The following CSMD1 variants were observed in gnomAD, a reference collection of about 807,000 sequenced individuals.
CSMD1 encodes CUB and sushi domain-containing protein 1.
A neutral mutation model predicts 417.5 loss-of-function variants in CSMD1; 213 were observed. That is an observed-to-expected ratio of 0.51 (90% confidence interval 0.46 to 0.57). The LOEUF (loss-of-function observed/expected upper bound fraction) is 0.57. Among genes scored for constraint, CSMD1 ranks in the 20% least tolerant of loss-of-function variants. The probability of loss-of-function intolerance (pLI) is 0.00; values close to 1 mark genes in which losing one functional copy is unlikely to be tolerated. For synonymous variants in CSMD1, 2,862 were observed against 1,736.8 expected, an observed-to-expected ratio of 1.65 and a Z score of -16.11; for missense variants, 6,923 against 4,529.7, an observed-to-expected ratio of 1.53 and a Z score of -15.17.
intron 23 of CSMD1, among the ~76,000 whole-genome samples, chr8:3,335,607 G>A (rs1480106941): frequency 6.6e-6 from 1 of 152,156 alleles, no homozygotes; most frequent in African/African-American, 2.4e-5. Context: ...AACCTGAGAG[G>A]TGGAAGTGCA....
At chr8:4,643,687 A>C (rs998969456) in intron 1 of CSMD1, among the ~76,000 whole-genome samples, 7 of 152,232 alleles carry the variant, frequency 4.6e-5, no homozygotes, top group African/African-American at 7.2e-5. Context: ...CCCTGATCAG[A>C]TAAGCGCTGT....
At chr8:4,735,861 G>C (rs1302778552) in intron 1 of CSMD1, among the ~76,000 whole-genome samples, 1 of 152,092 alleles carries the variant, frequency 6.6e-6, no homozygotes, top group Non-Finnish European at 1.5e-5. Context: ...TGATTCCAGG[G>C]TCCAAGATTT....
chr8:4,399,214 A>T (rs558835296), intron 3 of CSMD1, among the ~76,000 whole-genome samples: 1 of 152,340 alleles, frequency 6.6e-6, no homozygotes, highest in African/African-American at 2.4e-5. Flanking sequence ...TATGTGTTTA[A>T]ATATATGACA....
intron 10 of CSMD1, among the ~76,000 whole-genome samples, chr8:3,559,996 A>G (rs886291157): frequency 3.9e-5 from 6 of 152,166 alleles, no homozygotes; most frequent in Admixed American, 3.3e-4. Flanking sequence ...TTTCCTAACA[A>G]GATGAGTGGC....
chr8:3,561,709 C>T (rs1025866573), intron 10 of CSMD1, among the ~76,000 whole-genome samples: 3 of 151,936 alleles, frequency 2.0e-5, no homozygotes, highest in Admixed American at 6.6e-5. Flanking sequence ...CTACCAGCCC[C>T]GACCCCACCA....
rs1814582245 is a variant in CSMD1 at position 3,087,084 on chromosome 8, A to C, written c.7474+13T>G. The C allele has an allele frequency of 6.2e-7, 1 of 1,609,682 alleles. No homozygotes were observed. The highest frequency in any genetic ancestry group is 2.2e-5 in the East Asian group (1 of 44,828). On this transcript the variant is annotated intron_variant, in intron 49 of 69. Coordinates refer to ENST00000635120, the MANE Select transcript of CSMD1 (RefSeq NM_033225.6). ...ACAGGAAACAAGGCTGGGGATGAAAACGCATTTCTTACCCTGGCAGAGTGG... is the reference window on the plus strand; with the variant it reads ...ACAGGAAACAAGGCTGGGGATGAAACCGCATTTCTTACCCTGGCAGAGTGG...
chr8:4,113,631 C>G (rs1000230320), intron 3 of CSMD1, among the ~76,000 whole-genome samples: 2 of 152,018 alleles, frequency 1.3e-5, no homozygotes, highest in East Asian at 1.9e-4. Context: ...GTCTTGAACT[C>G]CTGACCTCCT....
chr8:4,170,248 C>G (rs1337869370), intron 3 of CSMD1, among the ~76,000 whole-genome samples: 1 of 151,818 alleles, frequency 6.6e-6, no homozygotes, highest in African/African-American at 2.4e-5. Flanking sequence ...CTCTCTTTCT[C>G]TTTTTGAATT....
At chr8:3,345,880 G>A (rs934923146) in intron 22 of CSMD1, among the ~76,000 whole-genome samples, 13 of 152,032 alleles carry the variant, frequency 8.6e-5, no homozygotes, top group African/African-American at 2.4e-4. Context: ...AATTAATTGC[G>A]TTTTCCATTC....
chr8:3,546,818 C>T lies in CSMD1; in HGVS notation c.1344+28127G>A, dbSNP rs144579226. Reference sequence around the variant, plus strand: ...GCAGCTCCCTGAAGAACATCATTTACTTCCAGTGATGTTATTACTGAAATG... The same window carrying T: ...GCAGCTCCCTGAAGAACATCATTTATTTCCAGTGATGTTATTACTGAAATG... On this transcript the variant is annotated intron_variant, in intron 10 of 69. Coordinates refer to ENST00000635120, the MANE Select transcript of CSMD1 (RefSeq NM_033225.6). Among the ~76,000 whole-genome samples, 418 of 152,262 alleles carry T rather than the reference C, an allele frequency of 2.7e-3. 3 individuals carry two copies. Among genetic ancestry groups the T allele is most frequent in the African/African-American group, 9.8e-3 (406 of 41,544 alleles).
At chr8:3,786,514 G>C (rs1045641516) in intron 5 of CSMD1, among the ~76,000 whole-genome samples, 2 of 152,192 alleles carry the variant, frequency 1.3e-5, no homozygotes, top group African/African-American at 2.4e-5. Context: ...GAGTGGGTGA[G>C]AGCCAAGAAT....
intron 1 of CSMD1, among the ~76,000 whole-genome samples, chr8:4,817,567 A>T (rs1188000569): frequency 6.6e-6 from 1 of 152,210 alleles, no homozygotes; most frequent in Non-Finnish European, 1.5e-5. Flanking sequence ...GTAAAATTAT[A>T]ATTTCCCACA....
At chr8:3,628,109 G>A (rs75684720) in intron 7 of CSMD1, among the ~76,000 whole-genome samples, 61 of 152,214 alleles carry the variant, frequency 4.0e-4, no homozygotes, top group East Asian at 1.9e-3. Context: ...GAAAAAGACC[G>A]GCAGTGTTGC....
chr8:3,506,886 G>A (rs541482346), intron 10 of CSMD1, among the ~76,000 whole-genome samples: 21 of 152,264 alleles, frequency 1.4e-4, no homozygotes, highest in Non-Finnish European at 1.6e-4. Flanking sequence ...ACTATTTGAT[G>A]TCGGATAATT....
At chr8:4,252,940 C>G (rs73660707) in intron 3 of CSMD1, among the ~76,000 whole-genome samples, 5 of 152,034 alleles carry the variant, frequency 3.3e-5, no homozygotes, top group African/African-American at 1.2e-4. Context: ...GCAGAACACA[C>G]CAACTTTTAG....
At chr8:4,265,621 A>C (rs1296926326) in intron 3 of CSMD1, among the ~76,000 whole-genome samples, 1 of 105,948 alleles carries the variant, frequency 9.4e-6, no homozygotes, top group African/African-American at 2.6e-5. Flanking sequence ...AAAAATAATG[A>C]GATTAAAAAC....
intron 8 of CSMD1, among the ~76,000 whole-genome samples, chr8:3,588,839 G>A (rs1255352626): frequency 6.6e-6 from 1 of 152,082 alleles, no homozygotes; most frequent in Non-Finnish European, 1.5e-5. Context: ...ACCTGCTAAT[G>A]CGTTCATATC....
chr8:4,386,856 T>A (rs11785821), intron 3 of CSMD1, among the ~76,000 whole-genome samples: 9,408 of 152,266 alleles, frequency 0.062, 359 homozygotes, highest in Middle Eastern at 0.11. Context: ...GCAGCAAATG[T>A]TGAATCCCTC....
chr8:4,004,413 CATGA>C (rs993083336), intron 4 of CSMD1, among the ~76,000 whole-genome samples: 3 of 144,656 alleles, frequency 2.1e-5, no homozygotes, highest in African/African-American at 7.8e-5. Context: ...TAAATTCTGC[CATGA>C]ATCTTTTTTT....
Sources: gnomAD v4.1 joint callset for allele counts (sites outside exome capture counted in the v4.1 genomes callset) on GRCh38, gnomAD v4.1.1 for gene constraint, MANE v1.5 for transcripts, NCBI Gene and HGNC (gene_info 2026-07-23, HGNC 2026-07-21) for gene names.